PRDM16: variants seen among roughly 807,000 people sequenced by gnomAD.
PRDM16 encodes the protein PR/SET domain 16, also known as histone-lysine N-methyltransferase PRDM16.
PRDM16 carries 23 observed loss-of-function variants against 110.6 expected under a neutral mutation model. The observed-to-expected ratio is 0.21, with a 90% CI of 0.15 to 0.29. The LOEUF is 0.29. Ranked by LOEUF, PRDM16 falls within the 10% of genes least tolerant of loss-of-function variation. The pLI, the probability that PRDM16 is intolerant of heterozygous loss-of-function variation, is 1.00. For synonymous variants in PRDM16, 799 were observed against 781.8 expected (o/e 1.02, Z -0.37); for missense variants, 1,615 against 1,794.3 (o/e 0.90, Z 1.81).
chr1:3,330,549 G>A (rs1249263366), intron 3 of PRDM16, among the ~76,000 whole-genome samples: 4 of 152,082 alleles, frequency 2.6e-5, no homozygotes, highest in Non-Finnish European at 4.4e-5. Flanking sequence ...TCAGCTCAGC[G>A]GGGGCTGCCT....
rs1639783885 is a variant in PRDM16, at chr1:3,246,052, G to A, written c.438+1915G>A. Among the ~76,000 whole-genome samples the A allele has an allele frequency of 6.6e-6, 1 of 152,162 alleles. No homozygotes were observed. ...CAGGGGTCAAGTCAGAAGGTCAAAAGGTCAAGTCTAGATTTAAAGGGCCCG... is the reference window on the plus strand; with the variant it reads ...CAGGGGTCAAGTCAGAAGGTCAAAAAGTCAAGTCTAGATTTAAAGGGCCCG... On this transcript the variant is annotated intron_variant, in intron 3 of 16. Transcript: ENST00000270722. The surrounding 1 kb of genome is among the most constrained non-coding windows in gnomAD (Gnocchi z 5.2).
intron 1 of PRDM16, among the ~76,000 whole-genome samples, chr1:3,071,011 T>G (rs545114081): frequency 2.6e-5 from 4 of 152,364 alleles, no homozygotes; most frequent in Admixed American, 2.0e-4. Flanking sequence ...TTGCGGGCCC[T>G]CCGCGCGTGG....
intron 1 of PRDM16, among the ~76,000 whole-genome samples, chr1:3,115,625 G>A (rs1284906184): frequency 1.3e-5 from 2 of 152,228 alleles, no homozygotes; most frequent in African/African-American, 4.8e-5. Context: ...AGAGGGGGCG[G>A]GGGCCACGGA....
rs532840410 is a variant in PRDM16, at chr1:3,074,808, C to A, written c.37+5512C>A. Among the ~76,000 whole-genome samples the A allele has an allele frequency of 2.8e-4, 43 of 152,326 alleles. No individual in the cohort carries two copies. In the South Asian group the frequency reaches 2.9e-3, roughly 10 times the overall value. On this transcript the variant is annotated intron_variant, in intron 1 of 16. Transcript: ENST00000270722. ...ATAACCACCACCCACCGCCTCCACCCACCGCCCAGCAGTCAGGGGGAGGTG... is the reference window on the plus strand; with the variant it reads ...ATAACCACCACCCACCGCCTCCACCAACCGCCCAGCAGTCAGGGGGAGGTG...
At chr1:3,373,405 C>CG (rs1642938789) in intron 3 of PRDM16, among the ~76,000 whole-genome samples, 1 of 152,004 alleles carries the variant, frequency 6.6e-6, no homozygotes, top group South Asian at 2.1e-4. Flanking sequence ...AGACTCCAGA[C>CG]ACCTCCTCGG....
At position 3,417,801 on chromosome 1, in the gene PRDM16, C is replaced by T. The variant is rs367776414; in HGVS notation, c.2692-27C>T. 6.5e-5 allele frequency: 105 copies of T among 1,609,966 alleles called. No individual in the cohort carries two copies. In the African/African-American group the frequency reaches 1.2e-3, roughly 19 times the overall value. ...AAGACAGGTGAGAGTCAGCTGAGTC[C>T]ATAACCTCCCACTCTTATGCCTACA... On this transcript the variant is annotated intron_variant, in intron 10 of 16. Transcript: ENST00000270722.
At chr1:3,305,903 C>T (rs1641302556) in intron 3 of PRDM16, among the ~76,000 whole-genome samples, 1 of 152,256 alleles carries the variant, frequency 6.6e-6, no homozygotes. Context: ...TAACACTTTG[C>T]CACTAGCCAC....
chr1:3,248,874 T>C (rs1639857994), intron 3 of PRDM16, among the ~76,000 whole-genome samples: 2 of 151,976 alleles, frequency 1.3e-5, no homozygotes, highest in Admixed American at 1.3e-4. Context: ...TAACGAGGAG[T>C]CCAGAGGTTT....
chr1:3,242,213 C>G (rs1639689114), intron 2 of PRDM16, among the ~76,000 whole-genome samples: 1 of 152,204 alleles, frequency 6.6e-6, no homozygotes, highest in Non-Finnish European at 1.5e-5. Context: ...CTGGTGGTGT[C>G]TGCACAGGTG....
At chr1:3,406,055 A>G (rs1259734809) in intron 8 of PRDM16, among the ~76,000 whole-genome samples, 1 of 152,212 alleles carries the variant, frequency 6.6e-6, no homozygotes, top group Non-Finnish European at 1.5e-5. Context: ...TGCACGTGAC[A>G]GTCTCAGCAG....
At chr1:3,388,579 C>G (rs573039194) in intron 4 of PRDM16, among the ~76,000 whole-genome samples, 50 of 152,328 alleles carry the variant, frequency 3.3e-4, no homozygotes, top group Admixed American at 3.9e-4. Context: ...CTGGAAGCCA[C>G]AGCCTCCCAG....
At chr1:3,188,588 G>A (rs868747372) in intron 2 of PRDM16, among the ~76,000 whole-genome samples, 54 of 152,318 alleles carry the variant, frequency 3.5e-4, no homozygotes, top group Admixed American at 1.4e-3. Context: ...TCCTGCCGGC[G>A]CTTAGAAATA....
chr1:3,432,260 C>G, intron 16 of PRDM16, 120 bp downstream of exon 16: 1 of 786,374 alleles, frequency 1.3e-6, no homozygotes, highest in Non-Finnish European at 2.1e-6. Flanking sequence ...ACGCAAACGC[C>G]CCCACGCTGC....
At chr1:3,422,945 G>A (rs1638479821) in intron 12 of PRDM16, among the ~76,000 whole-genome samples, 1 of 152,230 alleles carries the variant, frequency 6.6e-6, no homozygotes, top group Admixed American at 6.5e-5. Context: ...CACAGGCCAG[G>A]CCCCTGGGAT....
At chr1:3,186,568 G>A (rs553799980) in intron 2 of PRDM16, 94 bp downstream of exon 2, 45 of 788,206 alleles carry the variant, frequency 5.7e-5, no homozygotes, top group African/African-American at 4.5e-4. Flanking sequence ...TGCCCGAGGC[G>A]GGAGGCGCGG....
chr1:3,264,014 T>C (rs2100261387), intron 3 of PRDM16, among the ~76,000 whole-genome samples: 1 of 152,194 alleles, frequency 6.6e-6, no homozygotes, highest in Non-Finnish European at 1.5e-5. Flanking sequence ...AAAGCTACTG[T>C]GCAGCTGAGC....
rs147968940 is a variant in PRDM16 at position 3,213,827 on chromosome 1, G to A, written c.387+27353G>A. Among the ~76,000 whole-genome samples the A allele has an allele frequency of 5.2e-4, 79 of 152,240 alleles. No individual in the cohort carries two copies. The highest frequency in any genetic ancestry group is 3.4e-3 in the Admixed American group (52 of 15,308). On this transcript the variant is annotated intron_variant, in intron 2 of 16. Coordinates refer to ENST00000270722, the MANE Select transcript of PRDM16 (RefSeq NM_022114.4). The surrounding 1 kb of genome is among the most constrained non-coding windows in gnomAD (Gnocchi z 5.3). ...GACCAAGGACTCCCGAGGCCAAGCC[G>A]GTGCCTTCCCAGGAGGCCTTGCCAC...
At chr1:3,142,717 G>A (rs891196194) in intron 1 of PRDM16, among the ~76,000 whole-genome samples, 1 of 152,052 alleles carries the variant, frequency 6.6e-6, no homozygotes, top group Non-Finnish European at 1.5e-5. Flanking sequence ...TAATTACCTG[G>A]ATGTGGACCG....
At chr1:3,145,890 G>A (rs78117789) in intron 1 of PRDM16, among the ~76,000 whole-genome samples, 5,316 of 152,256 alleles carry the variant, frequency 0.035, 166 homozygotes, top group East Asian at 0.13. Context: ...TGGGCAGCCC[G>A]GTCAGCCCGG....
Sources: gnomAD v4.1 joint callset for allele counts (sites outside exome capture counted in the v4.1 genomes callset) on GRCh38, gnomAD v4.1.1 for gene constraint, Gnocchi (gnomAD v3.1) non-coding constraint, MANE v1.5 for transcripts, NCBI Gene and HGNC (gene_info 2026-07-23, HGNC 2026-07-21) for gene names.